Variants in RAP1GAP2 observed in about 807,000 individuals in gnomAD.
The protein encoded by RAP1GAP2 is rap1 GTPase-activating protein 2.
A neutral mutation model predicts 95.0 loss-of-function variants in RAP1GAP2; 27 were observed. The observed-to-expected ratio is 0.28, with a 90% CI of 0.21 to 0.39. The LOEUF (loss-of-function observed/expected upper bound fraction) is 0.39, where lower values mean the gene tolerates loss of function less well. RAP1GAP2 is among the 10% of genes least tolerant of loss of function. RAP1GAP2 has a pLI of 1.00. For missense variants in RAP1GAP2, 771 were observed against 970.0 expected (o/e 0.79, Z 2.72); for synonymous variants, 373 against 380.9 (o/e 0.98, Z 0.24).
At chr17:2,872,738 T>C (rs1197958261) in intron 2 of RAP1GAP2, among the ~76,000 whole-genome samples, 1 of 151,978 alleles carries the variant, frequency 6.6e-6, no homozygotes, top group Non-Finnish European at 1.5e-5. Flanking sequence ...TCACCCAGGC[T>C]AGAGTGCAGT....
intron 2 of RAP1GAP2, among the ~76,000 whole-genome samples, chr17:2,843,290 C>T (rs2071444076): frequency 7.1e-6 from 1 of 141,190 alleles, no homozygotes; most frequent in African/African-American, 2.6e-5. Context: ...GTTAATTTCC[C>T]TTTTTTTTTT....
At chr17:2,828,014 CA>C (rs2070655438) in intron 2 of RAP1GAP2, among the ~76,000 whole-genome samples, 1 of 152,116 alleles carries the variant, frequency 6.6e-6, no homozygotes, top group Non-Finnish European at 1.5e-5. Context: ...ATGAGCCGAG[CA>C]CTTGACCAAA....
upstream of RAP1GAP2, among the ~76,000 whole-genome samples, chr17:2,773,475 T>C (rs755532251): frequency 5.3e-5 from 8 of 152,148 alleles, no homozygotes; most frequent in Non-Finnish European, 1.0e-4. Context: ...ATGGGACAGC[T>C]AAGGAGGTTG....
upstream of RAP1GAP2, among the ~76,000 whole-genome samples, chr17:2,793,409 C>CAGGTGTAA (rs2068981248): frequency 6.6e-6 from 1 of 152,310 alleles, no homozygotes; most frequent in Non-Finnish European, 1.5e-5. Flanking sequence ...CTGCCTCGGT[C>CAGGTGTAA]TCCCAAAGTG....
intron 2 of RAP1GAP2, among the ~76,000 whole-genome samples, chr17:2,890,840 A>C (rs2073687819): frequency 6.6e-6 from 1 of 151,618 alleles, no homozygotes; most frequent in Non-Finnish European, 1.5e-5. Context: ...GCCCGCCACC[A>C]CGCCCGGCTA....
chr17:2,861,065 G>A (rs2072366150), intron 2 of RAP1GAP2, among the ~76,000 whole-genome samples: 1 of 151,998 alleles, frequency 6.6e-6, no homozygotes, highest in African/African-American at 2.4e-5. Flanking sequence ...AACATGGCAG[G>A]CTCGCCCCTG....
Position 2,947,489 on chromosome 17 carries a change from G to A in RAP1GAP2, c.166-10270G>A, listed in dbSNP as rs149397625. Among the ~76,000 whole-genome samples, 18 of 152,286 alleles carry A rather than the reference G, an allele frequency of 1.2e-4. No individual in the cohort carries two copies. In the East Asian group the frequency reaches 3.3e-3, roughly 28 times the overall value. ...CCCAGGCCAAGACTCAGCCCTCACC[G>A]CTTGCTTCGTTGCATCTTGCTTAGC... On this transcript the variant is annotated intron_variant, in intron 3 of 24. Coordinates refer to ENST00000254695, the MANE Select transcript of RAP1GAP2 (RefSeq NM_015085.5).
At chr17:2,856,596 A>G (rs985899945) in intron 2 of RAP1GAP2, among the ~76,000 whole-genome samples, 1 of 152,150 alleles carries the variant, frequency 6.6e-6, no homozygotes, top group Non-Finnish European at 1.5e-5. Context: ...CCAAGGGGGC[A>G]GCCAGGTGGG....
chr17:2,822,574 A>G (rs1297796290), intron 2 of RAP1GAP2, among the ~76,000 whole-genome samples: 1 of 149,318 alleles, frequency 6.7e-6, no homozygotes, highest in African/African-American at 2.5e-5. Flanking sequence ...GCAGTGAGCT[A>G]TGATCACACC....
chr17:2,962,722 G>T lies in RAP1GAP2; in HGVS notation c.246+8G>T. On this transcript the variant is annotated splice_region_variant and intron_variant, in intron 5 of 24. Coordinates refer to ENST00000254695, the MANE Select transcript of RAP1GAP2 (RefSeq NM_015085.5). ...GGACCCCAGAAGAACAAGGTGGGCT[G>T]GGTGGGTGAGGGGGTGGCCAGACGG... 6.3e-7 allele frequency: 1 copy of T among 1,592,580 alleles called. No homozygotes were observed.
intron 8 of RAP1GAP2, among the ~76,000 whole-genome samples, chr17:2,966,737 T>A (rs1408498725): frequency 3.9e-5 from 6 of 152,200 alleles, no homozygotes; most frequent in Non-Finnish European, 8.8e-5. Flanking sequence ...AGAGCCAATT[T>A]TCTGAGAGGT....
intron 2 of RAP1GAP2, among the ~76,000 whole-genome samples, chr17:2,861,650 TGG>T (rs67341896): frequency 2.1e-5 from 3 of 140,206 alleles, no homozygotes; most frequent in Non-Finnish European, 3.1e-5. Context: ...GTATTTTTTT[TGG>T]GGGGGGGGAC....
chr17:2,879,555 G>A (rs936808561), intron 2 of RAP1GAP2, among the ~76,000 whole-genome samples: 2 of 151,926 alleles, frequency 1.3e-5, no homozygotes, highest in African/African-American at 4.8e-5. Flanking sequence ...GTGAAACCCC[G>A]TCTCTACTAA....
chr17:2,891,814 C>CTTTTTTTTTTTTTTTTT (rs917540694), intron 2 of RAP1GAP2, among the ~76,000 whole-genome samples: 16 of 54,286 alleles, frequency 2.9e-4, no homozygotes, highest in African/African-American at 8.4e-4. Flanking sequence ...TATTTCTTTT[C>CTTTTTTTTTTTTTTTTT]TTTTTTTTTT....
At chr17:2,803,860 C>T (rs1327098360) in intron 2 of RAP1GAP2, among the ~76,000 whole-genome samples, 1 of 152,176 alleles carries the variant, frequency 6.6e-6, no homozygotes, top group Non-Finnish European at 1.5e-5. Context: ...GCCTGGGTGA[C>T]AGAGTGAGAC....
intron 10 of RAP1GAP2, among the ~76,000 whole-genome samples, chr17:2,981,922 A>G (rs1269019502): frequency 6.6e-6 from 1 of 152,210 alleles, no homozygotes. Flanking sequence ...CAGTGCATCG[A>G]CTGCGTCTTC....
At chr17:2,987,876 G>A (rs1172649463) in intron 11 of RAP1GAP2, among the ~76,000 whole-genome samples, 1 of 152,202 alleles carries the variant, frequency 6.6e-6, no homozygotes, top group Non-Finnish European at 1.5e-5. Flanking sequence ...CTCTTGAAGT[G>A]ATTGGGTAGG....
At chr17:2,961,732 G>T (rs1458114274) in intron 4 of RAP1GAP2, among the ~76,000 whole-genome samples, 1 of 152,088 alleles carries the variant, frequency 6.6e-6, no homozygotes, top group Non-Finnish European at 1.5e-5. Flanking sequence ...TTTGTCAAGG[G>T]TCACAAATAG....
At chr17:2,803,099 A>G (rs1255205457) in intron 2 of RAP1GAP2, among the ~76,000 whole-genome samples, 1 of 152,300 alleles carries the variant, frequency 6.6e-6, no homozygotes, top group East Asian at 1.9e-4. Flanking sequence ...CAATCTCACA[A>G]GCACTTATCG....
Sources: gnomAD v4.1 joint callset for allele counts (sites outside exome capture counted in the v4.1 genomes callset) on GRCh38, gnomAD v4.1.1 for gene constraint, MANE v1.5 for transcripts, NCBI Gene and HGNC (gene_info 2026-07-23, HGNC 2026-07-21) for gene names.